The following PPM1B variants were observed in gnomAD, a reference collection of about 807,000 sequenced individuals.
PPM1B encodes the protein protein phosphatase, Mg2+/Mn2+ dependent 1B, also known as protein phosphatase 1B.
A neutral mutation model predicts 43.0 loss-of-function variants in PPM1B; 22 were observed. The ratio of observed to expected loss-of-function variants is 0.51; its 90% CI spans 0.37 to 0.73. The LOEUF (loss-of-function observed/expected upper bound fraction) is 0.73, where lower values mean the gene tolerates loss of function less well. PPM1B is among the 30% of genes least tolerant of loss of function. The pLI, the probability that PPM1B is intolerant of heterozygous loss-of-function variation, is 0.00. For missense variants in PPM1B, 632 were observed against 584.2 expected (o/e 1.08, Z -0.84); for synonymous variants, 217 against 197.9 (o/e 1.10, Z -0.81).
At chr2:44,199,128 C>T (rs997474141) in intron 1 of PPM1B, among the ~76,000 whole-genome samples, 2 of 151,632 alleles carry the variant, frequency 1.3e-5, no homozygotes, top group Non-Finnish European at 2.9e-5. Context: ...TATGGTGGCG[C>T]GTGCCTGTAA....
intron 1 of PPM1B, among the ~76,000 whole-genome samples, chr2:44,186,248 G>T (rs1312605157): frequency 6.6e-6 from 1 of 152,208 alleles, no homozygotes; most frequent in East Asian, 1.9e-4. Context: ...TCTAGGAACA[G>T]GCTGGAAGTG....
chr2:44,235,717 A>G (rs1670590784), downstream of PPM1B, among the ~76,000 whole-genome samples: 1 of 151,972 alleles, frequency 6.6e-6, no homozygotes, highest in South Asian at 2.1e-4. Flanking sequence ...ACAACATAGC[A>G]AGACCTGGTT....
At chr2:44,186,453 C>T (rs1165921292) in intron 1 of PPM1B, among the ~76,000 whole-genome samples, 1 of 152,216 alleles carries the variant, frequency 6.6e-6, no homozygotes, top group South Asian at 2.1e-4. Flanking sequence ...ACTGCACCCT[C>T]CACCTCCTGG....
chr2:44,242,970 C>T (rs552979162), intron 5 of PPM1B, among the ~76,000 whole-genome samples: 1 of 152,214 alleles, frequency 6.6e-6, no homozygotes, highest in South Asian at 2.1e-4. Flanking sequence ...AAGATATTCA[C>T]AGATTGGACT....
intron 3 of PPM1B, among the ~76,000 whole-genome samples, chr2:44,215,072 G>A (rs1466400522): frequency 6.6e-6 from 1 of 151,928 alleles, no homozygotes; most frequent in African/African-American, 2.4e-5. Flanking sequence ...ATATTATATA[G>A]GAGAGATAAC....
In PPM1B at chr2:44,230,564, C is replaced by T. The variant is rs1425201031; in HGVS notation, c.1286C>T (p.Pro429Leu). Reference protein sequence around the residue: ...RLAKVEGEESPAEPAATATSS... With the variant: ...RLAKVEGEESLAEPAATATSS... The stretch of plus-strand genomic sequence containing the variant: ...GCTAAAGTAGAGGGAGAAGAAAGCC[C>T]TGCTGAACCAGCTGCCACAGCTACT... Residue 429 changes from proline to leucine, a missense_variant, in exon 6 of 6, where the codon CCT becomes CTT. By Grantham distance (98) the Pro-to-Leu change is moderately conservative. Coordinates refer to ENST00000282412, the MANE Select transcript of PPM1B (RefSeq NM_002706.6). The T allele has an allele frequency of 1.2e-6, 2 of 1,614,046 alleles. No individual in the cohort carries two copies. Among genetic ancestry groups the T allele is most frequent in the African/African-American group, 1.3e-5 (1 of 74,928 alleles).
At chr2:44,170,074 CTCAG>C (rs1558380832) in intron 1 of PPM1B, among the ~76,000 whole-genome samples, 1 of 152,126 alleles carries the variant, frequency 6.6e-6, no homozygotes, top group African/African-American at 2.4e-5. Context: ...AAATGAAGGA[CTCAG>C]TGAGTGTTGG....
chr2:44,230,411 A>C lies in PPM1B; in HGVS notation c.1135-2A>C. On this transcript the variant is annotated splice_acceptor_variant, in intron 5 of 5. Coordinates refer to ENST00000282412, the MANE Select transcript of PPM1B (RefSeq NM_002706.6). LOFTEE classifies it high-confidence loss of function. ...CACTGGGGTCTTGAATCTTAAAAAAAGGCCTCCGATGAAGCAGAGGAAAGT... is the reference window on the plus strand; with the variant it reads ...CACTGGGGTCTTGAATCTTAAAAAACGGCCTCCGATGAAGCAGAGGAAAGT... 1.2e-6 allele frequency: 2 copies of C among 1,611,956 alleles called. No homozygotes were observed. The highest frequency in any genetic ancestry group is 1.7e-6 in the Non-Finnish European group (2 of 1,178,964).
At chr2:44,225,839 T>G (rs1235672148) in intron 5 of PPM1B, among the ~76,000 whole-genome samples, 1 of 151,762 alleles carries the variant, frequency 6.6e-6, no homozygotes, top group East Asian at 1.9e-4. Flanking sequence ...CTATTTTTAG[T>G]TGAGATGGGT....
chr2:44,201,542 G>C lies in PPM1B; in HGVS notation c.343G>C (p.Glu115Gln). ...GIRTGFLKIDEYMRNFSDLRN... is the reference protein window; with the variant it reads ...GIRTGFLKIDQYMRNFSDLRN... ...CAGAACTGGATTTTTGAAAATTGAT[G>C]AATACATGCGTAACTTTTCAGACCT... The change falls in exon 2 of 6, where the codon GAA (glutamate) becomes CAA (glutamine). Residue 115 changes from glutamate to glutamine, a missense_variant. Glu to Gln is a conservative substitution (Grantham distance 29). Transcript: ENST00000282412. The surrounding 1 kb of genome is among the most constrained non-coding windows in gnomAD (Gnocchi z 5.4). 1 of 1,614,174 alleles carries C rather than the reference G, an allele frequency of 6.2e-7. No homozygotes were observed. Among genetic ancestry groups the C allele is most frequent in the Non-Finnish European group, 8.5e-7 (1 of 1,180,026 alleles).
chr2:44,237,211 T>G (rs563044726), downstream of PPM1B, among the ~76,000 whole-genome samples: 37 of 152,174 alleles, frequency 2.4e-4, no homozygotes, highest in Non-Finnish European at 5.1e-4. Context: ...TCTGTTCAAC[T>G]TTGGGAGTTA....
In PPM1B at chr2:44,230,560, A is replaced by C; in HGVS notation, c.1282A>C (p.Ser428Arg). The stretch of plus-strand genomic sequence containing the variant: ...GCTAGCTAAAGTAGAGGGAGAAGAA[A>C]GCCCTGCTGAACCAGCTGCCACAGC... ...YRLAKVEGEESPAEPAATATS... is the reference protein window; with the variant it reads ...YRLAKVEGEERPAEPAATATS... Residue 428 changes from serine (S) to arginine (R), a missense_variant, in exon 6 of 6, where the codon AGC (serine) becomes CGC (arginine). Transcript: ENST00000282412. 1 of 1,614,192 alleles carries C rather than the reference A, an allele frequency of 6.2e-7. No homozygotes were observed. The highest frequency in any genetic ancestry group is 8.5e-7 in the Non-Finnish European group (1 of 1,180,030).
At chr2:44,244,820 G>GAT (rs542334922), downstream of PPM1B, among the ~76,000 whole-genome samples, 9,509 of 129,780 alleles carry the variant, frequency 0.073, 435 homozygotes, top group African/African-American at 0.14. Context: ...AATTACTTGA[G>GAT]ATATATATAT....
downstream of PPM1B, among the ~76,000 whole-genome samples, chr2:44,236,148 C>A (rs1467225064): frequency 6.6e-6 from 1 of 151,926 alleles, no homozygotes; most frequent in Non-Finnish European, 1.5e-5. Context: ...GTAATCCCAG[C>A]ACTTTGGCAG....
intron 1 of PPM1B, among the ~76,000 whole-genome samples, chr2:44,193,038 C>T (rs755625997): frequency 4.6e-5 from 7 of 152,164 alleles, no homozygotes; most frequent in Non-Finnish European, 2.9e-5. Flanking sequence ...CATGGGAGTG[C>T]CGATACTTCT....
chr2:44,173,068 A>C (rs1667424156), intron 1 of PPM1B, among the ~76,000 whole-genome samples: 1 of 152,242 alleles, frequency 6.6e-6, no homozygotes, highest in Admixed American at 6.5e-5. Flanking sequence ...TAATCCCAGC[A>C]CTTTGGGAAG....
rs150512568 is a variant in PPM1B, at chr2:44,173,508, C to G, written c.-15+4234C>G. ...CCTTTGGTTTAACTTTAATAACAACCATAAACACTTTACTTCTGAATTAAT... is the reference window on the plus strand; with the variant it reads ...CCTTTGGTTTAACTTTAATAACAACGATAAACACTTTACTTCTGAATTAAT... On this transcript the variant is annotated intron_variant, in intron 1 of 5. Coordinates refer to ENST00000282412, the MANE Select transcript of PPM1B (RefSeq NM_002706.6). Among the ~76,000 whole-genome samples, 939 of 152,220 alleles carry G rather than the reference C, an allele frequency of 6.2e-3. 4 individuals carry two copies. The highest frequency in any genetic ancestry group is 0.02 in the South Asian group (94 of 4,816).
rs1668924445 is a variant in PPM1B at position 44,201,335 on chromosome 2, A to G, written c.136A>G (p.Ile46Val). Residue 46 changes from isoleucine (I) to valine (V), a missense_variant, in exon 2 of 6, where the codon ATT becomes GTT. Transcript: ENST00000282412. This position sits in a 1 kb window ranked among gnomAD's most constrained non-coding sequence, Gnocchi z 5.4. Reference sequence around the variant, plus strand: ...AGATGCACACACAGCTGTTGTAGGTATTCCTCACGGCTTGGAAGACTGGTC... The same window carrying G: ...AGATGCACACACAGCTGTTGTAGGTGTTCCTCACGGCTTGGAAGACTGGTC... Reference protein sequence around the residue: ...MEDAHTAVVGIPHGLEDWSFF... With the variant: ...MEDAHTAVVGVPHGLEDWSFF... 1 of 1,614,184 alleles carries G rather than the reference A, an allele frequency of 6.2e-7. No homozygotes were observed. The highest frequency in any genetic ancestry group is 1.7e-5 in the Admixed American group (1 of 60,018).
At chr2:44,242,021 G>A (rs1208311188) in intron 5 of PPM1B, among the ~76,000 whole-genome samples, 2 of 151,768 alleles carry the variant, frequency 1.3e-5, no homozygotes, top group Non-Finnish European at 2.9e-5. Flanking sequence ...ACCACGCCCG[G>A]CTAATTTTTT....
Sources: gnomAD v4.1 joint callset for allele counts (sites outside exome capture counted in the v4.1 genomes callset) on GRCh38, gnomAD v4.1.1 for gene constraint, Gnocchi (gnomAD v3.1) non-coding constraint, MANE v1.5 for transcripts, NCBI Gene and HGNC (gene_info 2026-07-23, HGNC 2026-07-21) for gene names.